SLC14A2: variants seen among roughly 807,000 people sequenced by gnomAD.
The protein encoded by SLC14A2 is urea transporter 2.
In SLC14A2, 91 loss-of-function variants were observed where a neutral mutation model predicts 104.6. That is an observed-to-expected ratio of 0.87 (90% confidence interval 0.73 to 1.04). The LOEUF is 1.04. Ranked by LOEUF, SLC14A2 falls within the 50% of genes least tolerant of loss-of-function variation. The pLI, the probability that SLC14A2 is intolerant of heterozygous loss-of-function variation, is 0.00. For missense variants in SLC14A2, 1,189 were observed against 1,156.0 expected (o/e 1.03, Z -0.41); for synonymous variants, 476 against 466.4 (o/e 1.02, Z -0.27).
At chr18:45,289,546 C>T (rs1448546036) in intron 1 of SLC14A2, among the ~76,000 whole-genome samples, 2 of 152,178 alleles carry the variant, frequency 1.3e-5, no homozygotes, top group African/African-American at 2.4e-5. Context: ...CTTACTGTCT[C>T]CCCATCCTTT....
At chr18:45,302,310 G>A (rs879535440) in intron 1 of SLC14A2, among the ~76,000 whole-genome samples, 2 of 152,232 alleles carry the variant, frequency 1.3e-5, no homozygotes, top group African/African-American at 4.8e-5. Context: ...ATAAGAGTTA[G>A]TCTATACTGC....
At position 45,393,432 on chromosome 18, in the gene SLC14A2, T is replaced by C. The variant is rs929961147; in HGVS notation, c.-124-89801T>C. 4.6e-5 allele frequency among the ~76,000 whole-genome samples: 7 copies of C among 152,342 alleles called. 1 individual carries two copies. In the East Asian group the frequency reaches 1.3e-3, roughly 29 times the overall value. On this transcript the variant is annotated intron_variant, in intron 1 of 20. Transcript: ENST00000586448. The stretch of plus-strand genomic sequence containing the variant: ...CAAGTTTATAACGTGTATGTACTCC[T>C]GGGAGACATGACACCTCAGTTGCTT...
At chr18:45,213,879 C>T (rs2083983885) in intron 1 of SLC14A2, among the ~76,000 whole-genome samples, 1 of 152,100 alleles carries the variant, frequency 6.6e-6, no homozygotes. Context: ...CTGCCAGGGC[C>T]CAGGGACGTT....
chr18:45,298,132 A>G (rs1399474828), intron 1 of SLC14A2, among the ~76,000 whole-genome samples: 1 of 149,646 alleles, frequency 6.7e-6, no homozygotes, highest in Non-Finnish European at 1.5e-5. Flanking sequence ...TTAACTGCAC[A>G]TAAGCATCTT....
intron 1 of SLC14A2, among the ~76,000 whole-genome samples, chr18:45,412,539 C>T (rs1020440745): frequency 2.0e-5 from 3 of 152,150 alleles, no homozygotes. Context: ...AGAGCCAGCC[C>T]AGAACCTCAC....
At chr18:45,661,458 T>C (rs1167314468) in intron 10 of SLC14A2, among the ~76,000 whole-genome samples, 1 of 152,192 alleles carries the variant, frequency 6.6e-6, no homozygotes, top group Non-Finnish European at 1.5e-5. Context: ...TGCCTTTCGA[T>C]ATAATGCAGC....
At chr18:45,404,439 CCTT>C (rs2086131354) in intron 1 of SLC14A2, among the ~76,000 whole-genome samples, 1 of 152,206 alleles carries the variant, frequency 6.6e-6, no homozygotes, top group African/African-American at 2.4e-5. Context: ...CCCTTTCCTT[CCTT>C]CTTCCCATTA....
At chr18:45,632,628 C>A in intron 5 of SLC14A2, 150 bp downstream of exon 5, 1 of 778,780 alleles carries the variant, frequency 1.3e-6, no homozygotes, top group Non-Finnish European at 2.1e-6. Flanking sequence ...CCCATGAGTT[C>A]TCTTGTAACA....
At chr18:45,353,898 T>C (rs11873896) in intron 1 of SLC14A2, among the ~76,000 whole-genome samples, 68,335 of 151,998 alleles carry the variant, frequency 0.45, 18,027 homozygotes, top group African/African-American at 0.74. Flanking sequence ...AACTAGTTGT[T>C]AATTGTTTTC....
chr18:45,661,386 C>T (rs2045934944), intron 10 of SLC14A2, among the ~76,000 whole-genome samples: 2 of 152,186 alleles, frequency 1.3e-5, no homozygotes, highest in African/African-American at 2.4e-5. Flanking sequence ...TCATGCCCTC[C>T]GATATCCAGG....
At chr18:45,392,580 C>T (rs2085982628) in intron 1 of SLC14A2, among the ~76,000 whole-genome samples, 1 of 152,152 alleles carries the variant, frequency 6.6e-6, no homozygotes, top group Non-Finnish European at 1.5e-5. Flanking sequence ...CAAGATTTCA[C>T]TTATCTAAAA....
chr18:45,593,876 TAA>T (rs1026093174), intron 2 of SLC14A2, among the ~76,000 whole-genome samples: 3 of 152,172 alleles, frequency 2.0e-5, no homozygotes, highest in African/African-American at 7.2e-5. Flanking sequence ...TCGAGCTAAG[TAA>T]AAAATATACA....
chr18:45,535,715 T>G (rs973217754), intron 2 of SLC14A2, among the ~76,000 whole-genome samples: 1 of 152,184 alleles, frequency 6.6e-6, no homozygotes, highest in African/African-American at 2.4e-5. Flanking sequence ...AAAAGCTTCA[T>G]GGTTCTTAAT....
At chr18:45,352,662 C>G (rs538270284) in intron 1 of SLC14A2, among the ~76,000 whole-genome samples, 1 of 151,502 alleles carries the variant, frequency 6.6e-6, no homozygotes, top group African/African-American at 2.4e-5. Flanking sequence ...ACAAGTGACA[C>G]CAAAGGAAAA....
chr18:45,646,036 C>G (rs572377141), intron 10 of SLC14A2: 1 of 152,242 alleles, frequency 6.6e-6, no homozygotes. Flanking sequence ...TGACTGGAAT[C>G]AGGAGGACCT....
At chr18:45,216,802 C>T (rs1198266019) in intron 1 of SLC14A2, among the ~76,000 whole-genome samples, 1 of 152,162 alleles carries the variant, frequency 6.6e-6, no homozygotes, top group East Asian at 1.9e-4. Context: ...CACCTTTGGC[C>T]AAGGCCCAAG....
intron 2 of SLC14A2, among the ~76,000 whole-genome samples, chr18:45,540,135 G>A (rs2043864154): frequency 6.6e-6 from 1 of 152,034 alleles, no homozygotes; most frequent in Non-Finnish European, 1.5e-5. Flanking sequence ...AGAGGGCAGA[G>A]TGGCTGGGAC....
chr18:45,332,314 C>T (rs1050965638), intron 1 of SLC14A2, among the ~76,000 whole-genome samples: 6 of 152,058 alleles, frequency 3.9e-5, no homozygotes, highest in African/African-American at 7.2e-5. Context: ...CTTTTCTTGT[C>T]GCTATTCCCT....
chr18:45,576,128 G>T (rs1388601900), intron 2 of SLC14A2, among the ~76,000 whole-genome samples: 1 of 152,078 alleles, frequency 6.6e-6, no homozygotes, highest in Non-Finnish European at 1.5e-5. Flanking sequence ...GTAACAAACT[G>T]TCCCAGCTTA....
Sources: gnomAD v4.1 joint callset for allele counts (sites outside exome capture counted in the v4.1 genomes callset) on GRCh38, gnomAD v4.1.1 for gene constraint, MANE v1.5 for transcripts, NCBI Gene and HGNC (gene_info 2026-07-23, HGNC 2026-07-21) for gene names.